Variants in ABCA13 observed in about 807,000 individuals in gnomAD.
ABCA13 encodes ATP binding cassette subfamily A member 13.
A neutral mutation model predicts 478.7 loss-of-function variants in ABCA13; 476 were observed. The ratio of observed to expected loss-of-function variants is 0.99; its 90% CI spans 0.92 to 1.07. The LOEUF (loss-of-function observed/expected upper bound fraction) is 1.07. ABCA13 is among the 50% of genes least tolerant of loss of function. The pLI is 0.00. For missense variants in ABCA13, 6,060 were observed against 5,910.6 expected (o/e 1.03, Z -0.83); for synonymous variants, 2,252 against 2,158.9 (o/e 1.04, Z -1.20).
chr7:48,489,755 G>A (rs1829676030), intron 48 of ABCA13, among the ~76,000 whole-genome samples: 1 of 152,124 alleles, frequency 6.6e-6, no homozygotes, highest in Non-Finnish European at 1.5e-5. Flanking sequence ...TTTGATTTAT[G>A]CTGAGCCCTC....
In ABCA13 at chr7:48,376,576, A is replaced by G. The variant is rs368568719; in HGVS notation, c.11335+4A>G. ...TACTTGAGCAACTTGATTCCTGGTA[A>G]GAATTTTGCCTTTTGTAAGATAACA... On this transcript the variant is annotated splice_donor_region_variant and intron_variant, in intron 35 of 61. Transcript: ENST00000435803. 19 of 1,613,310 alleles carry G rather than the reference A, an allele frequency of 1.2e-5. No individual in the cohort carries two copies. The African/African-American group carries it at 1.9e-4, about 16-fold the overall frequency.
Position 48,427,764 on chromosome 7 carries a change from A to G in ABCA13, c.12460-2A>G, listed in dbSNP as rs1821629519. 2.5e-6 allele frequency: 4 copies of G among 1,607,080 alleles called. No individual in the cohort carries two copies. The highest frequency in any genetic ancestry group is 1.7e-5 in the Admixed American group (1 of 59,820). On this transcript the variant is annotated splice_acceptor_variant, in intron 41 of 61. Transcript: ENST00000435803. LOFTEE classifies it high-confidence loss of function. ...TACATGGCGTTTTTTTTTCTCCGAA[A>G]GGTGTTTTTGATGCTTTTGCAAGAT...
chr7:48,394,463 C>T (rs866984250), intron 38 of ABCA13, among the ~76,000 whole-genome samples: 1 of 152,168 alleles, frequency 6.6e-6, no homozygotes, highest in Non-Finnish European at 1.5e-5. Flanking sequence ...AGCAGACTTC[C>T]TGAGCATTCT....
chr7:48,426,032 C>T (rs1047374030), intron 41 of ABCA13, among the ~76,000 whole-genome samples: 7 of 152,182 alleles, frequency 4.6e-5, no homozygotes, highest in African/African-American at 9.7e-5. Context: ...TGAGCCACCG[C>T]GCCCGGCCTC....
chr7:48,645,605 G>A lies in ABCA13; in HGVS notation c.*93G>A, dbSNP rs1308693844. ...CAAGCACGCGCACAATCAAGGAGCT[G>A]GAACACACTCTCCAGGCCGTCAAAT... On this transcript the variant is annotated 3_prime_UTR_variant, in exon 62 of 62. Coordinates refer to ENST00000435803, the MANE Select transcript of ABCA13 (RefSeq NM_152701.5). 4 of 1,000,728 alleles carry A rather than the reference G, an allele frequency of 4.0e-6. No homozygotes were observed. The East Asian group carries it at 8.0e-5, about 20-fold the overall frequency. The allele number at this position is 1,000,728 out of a possible 1,614,324, so 62.0% of individuals were successfully genotyped here.
In ABCA13 at chr7:48,383,865, A is replaced by G. The variant is rs946863898; in HGVS notation, c.11336-3957A>G. On this transcript the variant is annotated intron_variant, in intron 35 of 61. Coordinates refer to ENST00000435803, the MANE Select transcript of ABCA13 (RefSeq NM_152701.5). Reference sequence around the variant, plus strand: ...TTAAAAAAATATTTTTATCATAAGCATTTATCCACATCTTTGAAAGTACTG... The same window carrying G: ...TTAAAAAAATATTTTTATCATAAGCGTTTATCCACATCTTTGAAAGTACTG... 3.9e-5 allele frequency among the ~76,000 whole-genome samples: 6 copies of G among 152,332 alleles called. 1 individual carries two copies. The highest frequency in any genetic ancestry group is 3.9e-4 in the Admixed American group (6 of 15,304).
At chr7:48,270,249 A>T (rs1442278376) in intron 16 of ABCA13, among the ~76,000 whole-genome samples, 4 of 152,168 alleles carry the variant, frequency 2.6e-5, no homozygotes, top group Non-Finnish European at 5.9e-5. Flanking sequence ...CTGTCAATTA[A>T]AAAAATAAAA....
intron 55 of ABCA13, among the ~76,000 whole-genome samples, chr7:48,569,901 A>G (rs1787442458): frequency 6.6e-6 from 1 of 152,102 alleles, no homozygotes; most frequent in African/African-American, 2.4e-5. Flanking sequence ...GCTTCTATAT[A>G]CATTTGAGAA....
At chr7:48,345,308 A>G (rs1807900575) in intron 29 of ABCA13, among the ~76,000 whole-genome samples, 1 of 152,162 alleles carries the variant, frequency 6.6e-6, no homozygotes, top group African/African-American at 2.4e-5. Flanking sequence ...TATATTTATG[A>G]GTTAAGTGTA....
intron 31 of ABCA13, among the ~76,000 whole-genome samples, chr7:48,361,940 C>T (rs1008070567): frequency 4.0e-5 from 6 of 151,876 alleles, no homozygotes; most frequent in South Asian, 2.1e-4. Flanking sequence ...ATCAGAGGGA[C>T]AAAATACAAA....
chr7:48,419,809 C>T (rs1054517976), intron 41 of ABCA13, among the ~76,000 whole-genome samples: 14 of 152,082 alleles, frequency 9.2e-5, no homozygotes, highest in African/African-American at 2.7e-4. Context: ...CTCACACACA[C>T]GGACGCTAAG....
At chr7:48,300,080 G>A (rs1195330409) in intron 23 of ABCA13, among the ~76,000 whole-genome samples, 1 of 152,224 alleles carries the variant, frequency 6.6e-6, no homozygotes, top group East Asian at 1.9e-4. Context: ...CATTAGGTTA[G>A]GAGGTGACAC....
At chr7:48,590,348 A>G (rs1401658830) in intron 57 of ABCA13, among the ~76,000 whole-genome samples, 1 of 152,150 alleles carries the variant, frequency 6.6e-6, no homozygotes, top group Non-Finnish European at 1.5e-5. Flanking sequence ...AGAGAAAGAG[A>G]GAGAGAGAGA....
intron 1 of ABCA13, among the ~76,000 whole-genome samples, chr7:48,191,687 T>A (rs561562751): frequency 6.6e-6 from 1 of 152,304 alleles, no homozygotes; most frequent in East Asian, 1.9e-4. Flanking sequence ...GGATTACAGG[T>A]GTGAGCCACC....
At chr7:48,411,310 T>TTTTCTTTTCTTTTCTTTTCTCTTTTC (rs1554500227) in intron 40 of ABCA13, among the ~76,000 whole-genome samples, 1 of 122,088 alleles carries the variant, frequency 8.2e-6, no homozygotes, top group Non-Finnish European at 1.7e-5. Context: ...TTTTCTTTTC[T>TTTTCTTTTCTTTTCTTTTCTCTTTTC]TTTCTTTTCT....
At chr7:48,322,218 T>C (rs1200098772) in intron 27 of ABCA13, among the ~76,000 whole-genome samples, 2 of 152,194 alleles carry the variant, frequency 1.3e-5, no homozygotes, top group African/African-American at 2.4e-5. Flanking sequence ...CAGCCCTACG[T>C]TGGGAACCTG....
chr7:48,376,268 A>C (rs1364602145), intron 34 of ABCA13, among the ~76,000 whole-genome samples, 173 bp from the exon 35 acceptor site: 3 of 152,230 alleles, frequency 2.0e-5, no homozygotes, highest in African/African-American at 7.2e-5. Flanking sequence ...AATAGGTGTA[A>C]GATTGCACAA....
intron 55 of ABCA13, among the ~76,000 whole-genome samples, chr7:48,559,867 C>G (rs1255149448): frequency 6.6e-6 from 1 of 152,150 alleles, no homozygotes; most frequent in Non-Finnish European, 1.5e-5. Flanking sequence ...ATGAATTTGC[C>G]TGGTGCCCTA....
rs373590434 is a variant in ABCA13 at position 48,266,767 on chromosome 7, G to A, written c.2006-2213G>A. On this transcript the variant is annotated intron_variant, in intron 15 of 61. Coordinates refer to ENST00000435803, the MANE Select transcript of ABCA13 (RefSeq NM_152701.5). ...TGACTCTTCTAATTGCTTTGCATGG[G>A]AGATGAGGTCATCAATTTGATACCA... is the stretch of plus-strand genomic sequence containing the variant. Among the ~76,000 whole-genome samples, 9 of 151,660 alleles carry A rather than the reference G, an allele frequency of 5.9e-5. No individual in the cohort carries two copies. In the East Asian group the frequency reaches 1.4e-3, roughly 23 times the overall value.
Sources: gnomAD v4.1 joint callset for allele counts (sites outside exome capture counted in the v4.1 genomes callset) on GRCh38, gnomAD v4.1.1 for gene constraint, MANE v1.5 for transcripts, NCBI Gene and HGNC (gene_info 2026-07-23, HGNC 2026-07-21) for gene names.